The following WWOX variants were observed in gnomAD, a reference collection of about 807,000 sequenced individuals.
WWOX encodes the protein WW domain containing oxidoreductase.
A neutral mutation model predicts 46.2 loss-of-function variants in WWOX; 69 were observed. The observed-to-expected ratio is 1.49, with a 90% CI of 1.23 to 1.82. The LOEUF (loss-of-function observed/expected upper bound fraction) is 1.82. Ranked by LOEUF, WWOX falls within the 40% of genes most tolerant of loss-of-function variation. WWOX has a pLI of 0.00. For synonymous variants in WWOX, 359 were observed against 202.6 expected (o/e 1.77, Z -6.56); for missense variants, 919 against 542.6 (o/e 1.69, Z -6.89).
At chr16:79,012,556 T>C (rs2047332440) in intron 8 of WWOX, among the ~76,000 whole-genome samples, 1 of 152,168 alleles carries the variant, frequency 6.6e-6, no homozygotes, top group South Asian at 2.1e-4. Context: ...TTTAATTTGA[T>C]ATCATTGTGA....
rs903304910 is a variant in WWOX at position 79,118,088 on chromosome 16, G to A, written c.1057-93520G>A. ...TGGCTTTCAGCCTATGTCAGTTTTC[G>A]ACATGGCTTTCTCGTTAAGCTTAAT... On this transcript the variant is annotated intron_variant, in intron 8 of 8. Coordinates refer to ENST00000566780, the MANE Select transcript of WWOX (RefSeq NM_016373.4). Among the ~76,000 whole-genome samples the A allele has an allele frequency of 5.3e-5, 8 of 152,294 alleles. No individual in the cohort carries two copies. In the East Asian group the frequency reaches 9.7e-4, roughly 18 times the overall value.
chr16:78,311,981 T>G (rs1462247416), intron 5 of WWOX, among the ~76,000 whole-genome samples: 1 of 152,170 alleles, frequency 6.6e-6, no homozygotes, highest in Non-Finnish European at 1.5e-5. Flanking sequence ...TCCTGGCCTT[T>G]TCCACGTTAC....
In WWOX at chr16:79,212,044, G is replaced by C. The variant is rs916058522; in HGVS notation, c.*248G>C. On this transcript the variant is annotated 3_prime_UTR_variant, in exon 9 of 9. Coordinates refer to ENST00000566780, the MANE Select transcript of WWOX (RefSeq NM_016373.4). ...TTTGCTTTCTGGTGGTGGCCTGTTT[G>C]AAAGTAAAAACCTGCTTGGTGTGTA... The C allele has an allele frequency of 4.6e-6, 7 of 1,536,214 alleles. No homozygotes were observed. The East Asian group carries it at 9.8e-5, about 21-fold the overall frequency.
At chr16:78,776,914 C>T (rs1295457665) in intron 8 of WWOX, among the ~76,000 whole-genome samples, 2 of 152,182 alleles carry the variant, frequency 1.3e-5, no homozygotes, top group African/African-American at 4.8e-5. Context: ...CCAGGTCTCT[C>T]CCCTAACATG....
chr16:78,294,622 G>C (rs2079913767), intron 5 of WWOX, among the ~76,000 whole-genome samples: 1 of 145,736 alleles, frequency 6.9e-6, no homozygotes, highest in African/African-American at 2.5e-5. Context: ...TGTGAGGTCT[G>C]TAAAAGGATA....
rs775585652 is a variant in WWOX, at chr16:78,432,576, A to C, written c.880A>C (p.Asn294His). ...KNDYWAMLAY[N>H]RSKLCNILFS... ...CGACTATTGGGCGATGCTGGCTTATAACAGGTCCAAGCTCTGCAACATCCT... is the reference window on the plus strand; with the variant it reads ...CGACTATTGGGCGATGCTGGCTTATCACAGGTCCAAGCTCTGCAACATCCT... Residue 294 changes from asparagine (N) to histidine (H), a missense_variant, in exon 8 of 9, where the codon AAC becomes CAC. Physicochemically the swap from Asn to His is moderately conservative, Grantham distance 68. Coordinates refer to ENST00000566780, the MANE Select transcript of WWOX (RefSeq NM_016373.4). 1 of 1,614,070 alleles carries C rather than the reference A, an allele frequency of 6.2e-7. No individual in the cohort carries two copies. Among genetic ancestry groups the C allele is most frequent in the African/African-American group, 1.3e-5 (1 of 74,928 alleles).
intron 8 of WWOX, among the ~76,000 whole-genome samples, chr16:78,473,997 G>A (rs754501505): frequency 5.9e-5 from 9 of 152,136 alleles, no homozygotes; most frequent in Non-Finnish European, 8.8e-5. Context: ...ATGTCATAAA[G>A]TTACCTATCA....
chr16:78,861,162 C>T (rs544579240), intron 8 of WWOX, among the ~76,000 whole-genome samples: 2 of 152,124 alleles, frequency 1.3e-5, no homozygotes, highest in Non-Finnish European at 2.9e-5. Flanking sequence ...CCCTCTCTCT[C>T]TTTCTTCCTC....
intron 8 of WWOX, among the ~76,000 whole-genome samples, chr16:78,870,132 A>T (rs76254971): frequency 6.6e-6 from 1 of 152,164 alleles, no homozygotes; most frequent in Non-Finnish European, 1.5e-5. Context: ...GCATGACTCA[A>T]TCCTCAAACA....
intron 8 of WWOX, among the ~76,000 whole-genome samples, chr16:78,936,076 G>C (rs1261587933): frequency 6.6e-6 from 1 of 152,096 alleles, no homozygotes; most frequent in Non-Finnish European, 1.5e-5. Flanking sequence ...AGTTGGGAGG[G>C]TAAGTAATTG....
Position 78,144,471 on chromosome 16 carries a change from A to ATATATG in WWOX, c.410-19707_410-19706insGTATAT, listed in dbSNP as rs2034114185. Among the ~76,000 whole-genome samples, 9 of 33,586 alleles carry ATATATG rather than the reference A, an allele frequency of 2.7e-4. 1 individual carries two copies. The East Asian group carries it at 4.1e-3, about 15-fold the overall frequency. The allele number at this position is 33,586 out of a possible 152,430, so 22.0% of individuals were successfully genotyped here. A position where few individuals can be genotyped will look rare whatever the true frequency, so the allele number is the denominator to read the frequency against. On this transcript the variant is annotated intron_variant, in intron 4 of 8. Coordinates refer to ENST00000566780, the MANE Select transcript of WWOX (RefSeq NM_016373.4). ...TACACATATATATATATACACACAT[A>ATATATG]TATATATATATATATACACACACAC...
intron 8 of WWOX, among the ~76,000 whole-genome samples, chr16:78,989,001 C>T (rs952387347): frequency 6.6e-6 from 1 of 152,180 alleles, no homozygotes; most frequent in Non-Finnish European, 1.5e-5. Flanking sequence ...AACCTGAGTT[C>T]TCTGTTAAAA....
intron 8 of WWOX, among the ~76,000 whole-genome samples, chr16:78,455,778 G>C (rs79469797): frequency 0.012 from 1,684 of 144,868 alleles, 28 homozygotes; most frequent in African/African-American, 0.045. Flanking sequence ...ATGATGCCTG[G>C]GGGAGGTGAA....
chr16:78,180,353 A>G (rs752439495), intron 5 of WWOX, among the ~76,000 whole-genome samples: 1 of 151,836 alleles, frequency 6.6e-6, no homozygotes, highest in Non-Finnish European at 1.5e-5. Context: ...TAGGGGGCAT[A>G]TGGGTAAATC....
Position 78,887,080 on chromosome 16 carries a change from GT to G in WWOX, c.1057-324527del, listed in dbSNP as rs1567627150. On this transcript the variant is annotated intron_variant, in intron 8 of 8. Coordinates refer to ENST00000566780, the MANE Select transcript of WWOX (RefSeq NM_016373.4). ...CTGGCTATATGTGTGTGTGTGTGGT[GT>G]GTGTGTGTGTGTGTGTGTGTGTGTG... Among the ~76,000 whole-genome samples the G allele has an allele frequency of 3.9e-3, 475 of 122,478 alleles. 5 individuals are homozygous for G. The highest frequency in any genetic ancestry group is 9.5e-3 in the African/African-American group (248 of 26,198). 80.4% of individuals were successfully genotyped at this position (122,478 alleles called of 152,430 possible). A position where few individuals can be genotyped will look rare whatever the true frequency, so the allele number is the denominator to read the frequency against.
intron 8 of WWOX, among the ~76,000 whole-genome samples, chr16:78,585,192 C>T (rs1380977395): frequency 6.6e-6 from 1 of 152,220 alleles, no homozygotes; most frequent in Non-Finnish European, 1.5e-5. Context: ...TTTCTGACCA[C>T]AGGACAGCTT....
chr16:78,723,872 A>T (rs750719160), intron 8 of WWOX, among the ~76,000 whole-genome samples: 11 of 152,142 alleles, frequency 7.2e-5, no homozygotes, highest in Non-Finnish European at 1.5e-4. Flanking sequence ...AATCTGTAAA[A>T]AATGAGGATT....
intron 8 of WWOX, among the ~76,000 whole-genome samples, chr16:78,591,424 C>T (rs185769255): frequency 3.3e-5 from 5 of 152,332 alleles, no homozygotes; most frequent in East Asian, 3.9e-4. Context: ...GTGGCCAGCA[C>T]GTAGACCTTC....
chr16:78,760,497 A>C (rs2049765545), intron 8 of WWOX, among the ~76,000 whole-genome samples: 1 of 152,200 alleles, frequency 6.6e-6, no homozygotes, highest in Admixed American at 6.5e-5. Context: ...CTTCAGCAAG[A>C]AACATTACTC....
Sources: allele counts gnomAD v4.1 joint callset (sites outside exome capture counted in the v4.1 genomes callset), GRCh38; gene constraint gnomAD v4.1.1; transcripts MANE v1.5; gene names NCBI Gene and HGNC (gene_info 2026-07-23, HGNC 2026-07-21).